SLCO1C1: variants seen among roughly 807,000 people sequenced by gnomAD.
SLCO1C1 encodes solute carrier organic anion transporter family member 1C1.
In SLCO1C1, 70 loss-of-function variants were observed where a neutral mutation model predicts 76.4. The ratio of observed to expected loss-of-function variants is 0.92; its 90% confidence interval spans 0.76 to 1.12. SLCO1C1 has a LOEUF of 1.12. Among genes scored for constraint, SLCO1C1 ranks in the 50% most tolerant of loss-of-function variants. SLCO1C1 has a pLI of 0.00. For synonymous variants in SLCO1C1, 306 were observed against 286.1 expected (o/e 1.07, Z -0.70); for missense variants, 912 against 823.8 (o/e 1.11, Z -1.31).
At chr12:20,750,862 T>G (rs1400085102) in intron 14 of SLCO1C1, 70 bp downstream of exon 14, 1 of 1,613,916 alleles carries the variant, frequency 6.2e-7, no homozygotes. Context: ...CCACTGACAC[T>G]AACAAGTTTT....
intron 9 of SLCO1C1, 39 bp from the exon 10 acceptor site, chr12:20,732,870 T>C: frequency 6.2e-7 from 1 of 1,604,350 alleles, no homozygotes; most frequent in Non-Finnish European, 8.5e-7. Context: ...AAATCTTTTT[T>C]AGAGATTCAC....
chr12:20,741,797 T>G (rs1948828988), intron 12 of SLCO1C1, among the ~76,000 whole-genome samples: 1 of 152,182 alleles, frequency 6.6e-6, no homozygotes, highest in Non-Finnish European at 1.5e-5. Context: ...ATTGTACAAC[T>G]GATAAAAATC....
intron 9 of SLCO1C1, among the ~76,000 whole-genome samples, chr12:20,731,385 TAAAAA>T (rs1249285339): frequency 1.5e-5 from 2 of 133,310 alleles, no homozygotes; most frequent in Non-Finnish European, 3.3e-5. Context: ...TATATAAACT[TAAAAA>T]GAACAAACAA....
intron 9 of SLCO1C1, among the ~76,000 whole-genome samples, chr12:20,727,101 C>T (rs1948048235): frequency 6.6e-6 from 1 of 152,112 alleles, no homozygotes. Context: ...TTATTCAATC[C>T]ACTGTTGATG....
chr12:20,711,238 C>T, intron 4 of SLCO1C1, 148 bp from the exon 5 acceptor site: 1 of 814,616 alleles, frequency 1.2e-6, no homozygotes, highest in South Asian at 2.1e-5. Flanking sequence ...GCAAAATCTG[C>T]TGTTAAACAC....
chr12:20,734,980 G>A (rs1948472435), intron 10 of SLCO1C1, among the ~76,000 whole-genome samples: 1 of 151,996 alleles, frequency 6.6e-6, no homozygotes, highest in South Asian at 2.1e-4. Flanking sequence ...AATCTCATTT[G>A]GGCATAAACA....
intron 5 of SLCO1C1, among the ~76,000 whole-genome samples, chr12:20,713,291 G>A (rs1010674842): frequency 6.6e-6 from 1 of 152,056 alleles, no homozygotes; most frequent in South Asian, 2.1e-4. Flanking sequence ...TTGTTAGCCA[G>A]GATGGTCTCG....
intron 12 of SLCO1C1, among the ~76,000 whole-genome samples, chr12:20,740,773 AGAATTTATTTTATTT>A (rs1948763642): frequency 9.4e-6 from 1 of 106,034 alleles, no homozygotes; most frequent in Non-Finnish European, 2.0e-5. Flanking sequence ...CAACAATGTT[AGAATTTATTTTATTT>A]ATATATATAT....
At chr12:20,714,993 C>T (rs11045406) in intron 5 of SLCO1C1, 146 bp from the exon 6 acceptor site, 13,977 of 977,320 alleles carry the variant, frequency 0.014, 250 homozygotes, top group African/African-American at 0.074. Flanking sequence ...ATTTTTAGAA[C>T]TTGACCAAAC....
intron 9 of SLCO1C1, among the ~76,000 whole-genome samples, chr12:20,726,879 G>T (rs1948030293): frequency 6.6e-6 from 1 of 152,064 alleles, no homozygotes; most frequent in Admixed American, 6.5e-5. Context: ...CTCTCCAGTA[G>T]TTCCCATTGT....
At chr12:20,750,150 G>A (rs1031644826) in intron 13 of SLCO1C1, among the ~76,000 whole-genome samples, 5 of 152,192 alleles carry the variant, frequency 3.3e-5, no homozygotes, top group African/African-American at 7.2e-5. Context: ...TGCAACCTCT[G>A]TATGATGTAC....
At chr12:20,737,444 T>G (rs1229769449) in intron 11 of SLCO1C1, among the ~76,000 whole-genome samples, 172 bp downstream of exon 11, 1 of 152,162 alleles carries the variant, frequency 6.6e-6, no homozygotes, top group Non-Finnish European at 1.5e-5. Context: ...GGTACTGGAG[T>G]TGCTGAAAAA....
intron 14 of SLCO1C1, 44 bp downstream of exon 14, chr12:20,750,836 C>T (rs1177450872): frequency 6.2e-7 from 1 of 1,613,800 alleles, no homozygotes; most frequent in Non-Finnish European, 8.5e-7. Flanking sequence ...CTACAGCATC[C>T]CAGATTTACA....
chr12:20,718,614 G>A (rs574912040), intron 7 of SLCO1C1, among the ~76,000 whole-genome samples: 27 of 152,174 alleles, frequency 1.8e-4, no homozygotes, highest in African/African-American at 5.5e-4. Context: ...GGTTTCCAAC[G>A]GGTTTGGACT....
At position 20,731,780 on chromosome 12, in the gene SLCO1C1, C is replaced by T. The variant is rs547216307; in HGVS notation, c.1187-1129C>T. Among the ~76,000 whole-genome samples, 18 of 152,282 alleles carry T rather than the reference C, an allele frequency of 1.2e-4. No homozygotes were observed. The South Asian group carries it at 3.3e-3, about 28-fold the overall frequency. On this transcript the variant is annotated intron_variant, in intron 9 of 14. Transcript: ENST00000266509. ...CACCAAAGTGCCTCTTTTCCCAAGT[C>T]TTTTGCAATACAAGGGTTCCATTCC...
chr12:20,727,366 A>AT (rs1336492061), intron 9 of SLCO1C1, among the ~76,000 whole-genome samples: 1 of 152,130 alleles, frequency 6.6e-6, no homozygotes, highest in Non-Finnish European at 1.5e-5. Context: ...AACATCTGTT[A>AT]TTTTTTGACA....
intron 1 of SLCO1C1, 92 bp from the exon 2 acceptor site, chr12:20,699,460 C>T (rs1024695983): frequency 5.2e-5 from 53 of 1,024,440 alleles, no homozygotes; most frequent in African/African-American, 2.2e-4. Context: ...CTTTAAATTG[C>T]GTCTATAGAA....
intron 9 of SLCO1C1, among the ~76,000 whole-genome samples, chr12:20,725,522 C>T (rs1947935504): frequency 6.8e-6 from 1 of 147,358 alleles, no homozygotes; most frequent in Admixed American, 6.8e-5. Context: ...AAACAACATT[C>T]CACATGTACA....
chr12:20,726,915 G>GT (rs1287874216), intron 9 of SLCO1C1, among the ~76,000 whole-genome samples: 1 of 152,104 alleles, frequency 6.6e-6, no homozygotes, highest in Non-Finnish European at 1.5e-5. Flanking sequence ...TTATGTCCAT[G>GT]TGTATCCAAT....
Sources: allele counts gnomAD v4.1 joint callset (sites outside exome capture counted in the v4.1 genomes callset), GRCh38; gene constraint gnomAD v4.1.1; transcripts MANE v1.5; gene names NCBI Gene and HGNC (gene_info 2026-07-23, HGNC 2026-07-21).